Variants in CNGB3 observed in about 807,000 individuals in gnomAD.
CNGB3 encodes cyclic nucleotide-gated channel beta-3.
A neutral mutation model predicts 92.8 loss-of-function variants in CNGB3; 86 were observed. The ratio of observed to expected loss-of-function variants is 0.93; its 90% confidence interval spans 0.78 to 1.11. The LOEUF is 1.11. Among genes scored for constraint, CNGB3 ranks in the 50% least tolerant of loss-of-function variants. CNGB3 has a pLI of 0.00. For synonymous variants in CNGB3, 333 were observed against 332.7 expected, an observed-to-expected ratio of 1.00 and a Z score of -0.01; for missense variants, 1,026 against 956.8, an observed-to-expected ratio of 1.07 and a Z score of -0.95.
chr8:86,708,874 T>A (rs1466141173), intron 3 of CNGB3, among the ~76,000 whole-genome samples: 2 of 152,092 alleles, frequency 1.3e-5, no homozygotes, highest in East Asian at 3.9e-4. Context: ...AGGAATAAAA[T>A]CCTGGCTGAA....
intron 10 of CNGB3, among the ~76,000 whole-genome samples, chr8:86,635,837 TATATATATATATATATATATATATATAC>T (rs1421061586): frequency 4.2e-4 from 25 of 59,964 alleles, no homozygotes; most frequent in South Asian, 6.4e-4. Context: ...TATATATATA[TATATATATATATATATATATATATATAC>T]ACATACACAT....
intron 6 of CNGB3, among the ~76,000 whole-genome samples, chr8:86,664,769 T>A (rs984795404): frequency 6.6e-6 from 1 of 152,138 alleles, no homozygotes; most frequent in Non-Finnish European, 1.5e-5. Flanking sequence ...GTAGATGCCA[T>A]ATTCATTAAA....
chr8:86,694,168 C>G (rs868662472), intron 3 of CNGB3, among the ~76,000 whole-genome samples: 3 of 111,498 alleles, frequency 2.7e-5, no homozygotes, highest in Non-Finnish European at 3.8e-5. Flanking sequence ...GCTGGCCGGG[C>G]GGGGGGCTGA....
chr8:86,661,401 G>A, intron 6 of CNGB3: 1 of 447,346 alleles, frequency 2.2e-6, no homozygotes. Flanking sequence ...CTATCAGGAA[G>A]AGGACAAAAA....
rs757474781 is a variant in CNGB3 at position 86,643,762 on chromosome 8, C to T, written c.1167G>A (p.Gly389=). The change falls in exon 10 of 18, where the codon GGG becomes GGA. Residue 389 remains glycine, a synonymous_variant. Transcript: ENST00000320005. The stretch of plus-strand genomic sequence containing the variant: ...AAATCAGAACTTACTCGTTTCCTTC[C>T]CCATCATACACCCATCTAGTAGTGC... The part of the protein sequence containing the change: ...GIGTTRWVYD[G]EGNEYLRCYY... 1.2e-6 allele frequency: 2 copies of T among 1,605,190 alleles called. No homozygotes were observed. The highest frequency in any genetic ancestry group is 1.7e-5 in the Admixed American group (1 of 59,222).
intron 14 of CNGB3, among the ~76,000 whole-genome samples, chr8:86,606,838 C>T (rs1053277472): frequency 2.0e-5 from 3 of 152,268 alleles, no homozygotes; most frequent in African/African-American, 4.8e-5. Context: ...ACTAGCAGCA[C>T]CTATGTCATC....
intron 2 of CNGB3, among the ~76,000 whole-genome samples, chr8:86,734,831 AG>A (rs1825217423): frequency 6.6e-6 from 1 of 152,118 alleles, no homozygotes; most frequent in African/African-American, 2.4e-5. Flanking sequence ...GGCTTGTATC[AG>A]GGTTGGGATT....
chr8:86,619,663 G>T (rs1373457786), intron 13 of CNGB3, among the ~76,000 whole-genome samples: 1 of 149,606 alleles, frequency 6.7e-6, no homozygotes, highest in East Asian at 2.0e-4. Flanking sequence ...TGTGACTGTA[G>T]GTATCTATCT....
chr8:86,674,557 G>C (rs946175220), intron 3 of CNGB3, among the ~76,000 whole-genome samples: 1 of 152,082 alleles, frequency 6.6e-6, no homozygotes, highest in Non-Finnish European at 1.5e-5. Context: ...CAAATAGAGA[G>C]GAAGAAACAT....
intron 10 of CNGB3, among the ~76,000 whole-genome samples, chr8:86,639,102 G>A (rs1459121076): frequency 6.6e-6 from 1 of 151,916 alleles, no homozygotes; most frequent in Non-Finnish European, 1.5e-5. Context: ...TAGTAATTCT[G>A]ATTCCTTCCT....
chr8:86,631,478 T>G (rs1822960067), intron 11 of CNGB3, among the ~76,000 whole-genome samples: 1 of 152,202 alleles, frequency 6.6e-6, no homozygotes, highest in Non-Finnish European at 1.5e-5. Flanking sequence ...GGATGCCTCT[T>G]AATCTCTTTA....
chr8:86,650,776 T>C (rs1322627680), intron 7 of CNGB3, among the ~76,000 whole-genome samples: 1 of 151,330 alleles, frequency 6.6e-6, no homozygotes, highest in Non-Finnish European at 1.5e-5. Flanking sequence ...CAACTAAAAG[T>C]AGATCTACCA....
At chr8:86,620,115 T>TA (rs1822695988) in intron 13 of CNGB3, among the ~76,000 whole-genome samples, 1 of 152,054 alleles carries the variant, frequency 6.6e-6, no homozygotes, top group African/African-American at 2.4e-5. Context: ...GTAAGAATGA[T>TA]AGAGTGGTGT....
At chr8:86,578,381 T>G (rs1305217792) in intron 17 of CNGB3, among the ~76,000 whole-genome samples, 1 of 152,216 alleles carries the variant, frequency 6.6e-6, no homozygotes, top group Non-Finnish European at 1.5e-5. Flanking sequence ...AAGTTACTAA[T>G]AAATTATAGT....
chr8:86,583,746 C>T (rs1224005777), intron 15 of CNGB3, among the ~76,000 whole-genome samples: 1 of 151,766 alleles, frequency 6.6e-6, no homozygotes, highest in East Asian at 1.9e-4. Context: ...ATGGCAAAAT[C>T]CCATCTCTAC....
At chr8:86,583,413 GA>G (rs1371723849) in intron 15 of CNGB3, among the ~76,000 whole-genome samples, 4 of 152,086 alleles carry the variant, frequency 2.6e-5, no homozygotes, top group African/African-American at 9.7e-5. Flanking sequence ...AATGCATATT[GA>G]AAACTTTAGA....
intron 14 of CNGB3, among the ~76,000 whole-genome samples, chr8:86,609,951 G>T (rs1004948403): frequency 3.3e-5 from 5 of 152,012 alleles, no homozygotes; most frequent in African/African-American, 1.2e-4. Context: ...AAGTGTCTTT[G>T]CCACTACATA....
chr8:86,743,362 A>G, intron 1 of CNGB3, 137 bp downstream of exon 1: 2 of 912,632 alleles, frequency 2.2e-6, no homozygotes, highest in South Asian at 2.7e-5. Flanking sequence ...TAATGAAGAT[A>G]AGCCCGACAC....
At chr8:86,661,352 C>T (rs553740578) in intron 6 of CNGB3, 5 of 399,152 alleles carry the variant, frequency 1.3e-5, no homozygotes, top group South Asian at 1.1e-4. Context: ...TATTGCTTTG[C>T]TTTTGCCAGA....
Sources: allele counts gnomAD v4.1 joint callset (sites outside exome capture counted in the v4.1 genomes callset), GRCh38; gene constraint gnomAD v4.1.1; transcripts MANE v1.5; gene names NCBI Gene and HGNC (gene_info 2026-07-23, HGNC 2026-07-21).